The following HECTD4 variants were observed in gnomAD, a reference collection of about 807,000 sequenced individuals.
The protein encoded by HECTD4 is probable E3 ubiquitin-protein ligase HECTD4.
In HECTD4, 114 loss-of-function variants were observed where a neutral mutation model predicts 471.5. That is an observed-to-expected ratio of 0.24 (90% confidence interval 0.21 to 0.28). The LOEUF (loss-of-function observed/expected upper bound fraction) is 0.28. HECTD4 is among the 10% of genes least tolerant of loss of function. The pLI is 1.00. For synonymous variants in HECTD4, 2,012 were observed against 2,256.0 expected (o/e 0.89, Z 3.07); for missense variants, 3,866 against 5,651.5 (o/e 0.68, Z 10.13).
intron 58 of HECTD4, 100 bp from the exon 59 acceptor site, chr12:112,192,865 G>A (rs1284503990): frequency 2.4e-6 from 3 of 1,228,144 alleles, no homozygotes; most frequent in Non-Finnish European, 3.4e-6. Flanking sequence ...ATGAGAACTG[G>A]GCCCAAGTCA....
intron 1 of HECTD4, among the ~76,000 whole-genome samples, chr12:112,328,128 A>ATTTC (rs2035782289): frequency 6.6e-6 from 1 of 150,978 alleles, no homozygotes; most frequent in Non-Finnish European, 1.5e-5. Flanking sequence ...TTATTTATTT[A>ATTTC]TTTATTTATT....
In HECTD4 at chr12:112,200,787, C is replaced by G. The variant is rs746643151; in HGVS notation, c.8418G>C (p.Leu2806=). ...TGCGGAGGTACGTTTCTACCTGCACCAGTTCATTCACCTACAATAGGAAAA... is the reference window on the plus strand; with the variant it reads ...TGCGGAGGTACGTTTCTACCTGCACGAGTTCATTCACCTACAATAGGAAAA... ...VVLDVDSVNE[L]VQVETYLRSE... The change falls in exon 55 of 76, where the codon CTG becomes CTC. Residue 2806 remains leucine (L), a synonymous_variant. Transcript: ENST00000682272. The G allele has an allele frequency of 8.1e-6, 13 of 1,612,188 alleles. No homozygotes were observed. Among genetic ancestry groups the G allele is most frequent in the Non-Finnish European group, 1.1e-5 (13 of 1,178,826 alleles).
intron 1 of HECTD4, among the ~76,000 whole-genome samples, chr12:112,335,129 TAAAG>T (rs1039632584): frequency 3.9e-5 from 5 of 129,044 alleles, no homozygotes; most frequent in Admixed American, 8.3e-5. Context: ...AACAAGTGGA[TAAAG>T]AAACTGTGAT....
intron 17 of HECTD4, among the ~76,000 whole-genome samples, chr12:112,262,515 CAAAAAAAAAAA>C (rs758273849): frequency 1.5e-4 from 3 of 19,756 alleles, no homozygotes; most frequent in Non-Finnish European, 3.2e-4. Context: ...GACTCCATCT[CAAAAAAAAAAA>C]AAAAAAAAAA....
At chr12:112,361,045 C>A (rs1452514920) in intron 1 of HECTD4, among the ~76,000 whole-genome samples, 1 of 149,680 alleles carries the variant, frequency 6.7e-6, no homozygotes, top group Non-Finnish European at 1.5e-5. Context: ...TTAATAAAGA[C>A]AAGGATCTAA....
In HECTD4 at chr12:112,170,458, G is replaced by C; in HGVS notation, c.11933-6C>G. ...CGTGTCATAGAAGATCAGCCCTAAG[G>C]AGAGGAACGTGGGAGAGGCTTGGGT... On this transcript the variant is annotated splice_polypyrimidine_tract_variant and splice_region_variant and intron_variant, in intron 68 of 75. Coordinates refer to ENST00000682272, the MANE Select transcript of HECTD4 (RefSeq NM_001388303.1). The C allele has an allele frequency of 6.2e-7, 1 of 1,613,666 alleles. No individual in the cohort carries two copies. Among genetic ancestry groups the C allele is most frequent in the Non-Finnish European group, 8.5e-7 (1 of 1,179,816 alleles).
At chr12:112,244,126 C>T in intron 29 of HECTD4, 117 bp from the exon 30 acceptor site, 1 of 990,894 alleles carries the variant, frequency 1.0e-6, no homozygotes, top group South Asian at 1.6e-5. Flanking sequence ...AGTTCAGCCA[C>T]CAATCTAGCT....
chr12:112,296,053 A>C (rs2035002532), intron 7 of HECTD4, among the ~76,000 whole-genome samples: 1 of 152,180 alleles, frequency 6.6e-6, no homozygotes, highest in Non-Finnish European at 1.5e-5. Flanking sequence ...CAAGGGACAG[A>C]GGGGGAACAT....
At chr12:112,230,651 C>A (rs1158575515) in intron 40 of HECTD4, 36 bp downstream of exon 40, 1 of 1,570,604 alleles carries the variant, frequency 6.4e-7, no homozygotes, top group Non-Finnish European at 8.7e-7. Context: ...TAGCTTACTT[C>A]TTATTTTCTC....
intron 1 of HECTD4, among the ~76,000 whole-genome samples, chr12:112,323,945 T>C (rs957495311): frequency 3.6e-5 from 4 of 112,500 alleles, no homozygotes; most frequent in African/African-American, 1.5e-4. Context: ...TTTACTGAGG[T>C]GCTTCTTTCT....
intron 1 of HECTD4, among the ~76,000 whole-genome samples, chr12:112,352,595 C>A (rs2036266024): frequency 6.6e-6 from 1 of 151,722 alleles, no homozygotes; most frequent in Non-Finnish European, 1.5e-5. Context: ...CTCAGCCTCC[C>A]AAAGACATCA....
chr12:112,273,904 G>T, intron 10 of HECTD4, 109 bp from the exon 11 acceptor site: 1 of 1,261,646 alleles, frequency 7.9e-7, no homozygotes, highest in Non-Finnish European at 1.1e-6. Context: ...CTCTAATGTT[G>T]ACAACCCACA....
chr12:112,207,881 TA>T lies in HECTD4; in HGVS notation c.8123del (p.Leu2708TyrfsTer3). The T allele has an allele frequency of 6.2e-7, 1 of 1,613,992 alleles. No homozygotes were observed. The highest frequency in any genetic ancestry group is 8.5e-7 in the Non-Finnish European group (1 of 1,179,862). ...GAACAAAAAGTACCAGACCTAGTTG[TA>T]AGGCCCCCTTTATCTGGTCCAGGCC... ...KSGLDQIKGA[L>X]QLGMVDIARQ... On this transcript the variant is annotated frameshift_variant, in exon 52 of 76. Coordinates refer to ENST00000682272, the MANE Select transcript of HECTD4 (RefSeq NM_001388303.1). LOFTEE classifies it high-confidence loss of function.
At chr12:112,269,995 TATA>T (rs2135620083) in intron 12 of HECTD4, 146 bp from the exon 13 acceptor site, 1 of 753,488 alleles carries the variant, frequency 1.3e-6, no homozygotes, top group East Asian at 2.7e-5. Flanking sequence ...TGTGTAACGG[TATA>T]ATTATAGTAA....
chr12:112,230,085 G>C (rs929259235), intron 40 of HECTD4, among the ~76,000 whole-genome samples: 1 of 152,124 alleles, frequency 6.6e-6, no homozygotes, highest in African/African-American at 2.4e-5. Flanking sequence ...ATACACAACT[G>C]GGAGAATCAA....
chr12:112,269,680 C>T (rs781428860), intron 13 of HECTD4, 24 bp downstream of exon 13: 2 of 1,613,080 alleles, frequency 1.2e-6, no homozygotes, highest in Non-Finnish European at 8.5e-7. Flanking sequence ...GCAGAGAGCA[C>T]TACAAAAATC....
At chr12:112,174,353 C>T (rs556829243) in intron 66 of HECTD4, among the ~76,000 whole-genome samples, 1 of 151,730 alleles carries the variant, frequency 6.6e-6, no homozygotes, top group East Asian at 1.9e-4. Flanking sequence ...CAACCCATTG[C>T]CTCCTGGGTT....
chr12:112,167,379 G>C lies in HECTD4; in HGVS notation c.12472C>G (p.Pro4158Ala), dbSNP rs1471355224. Residue 4158 changes from proline (P) to alanine (A), a missense_variant, in exon 72 of 76, where the codon CCT becomes GCT. Coordinates refer to ENST00000682272, the MANE Select transcript of HECTD4 (RefSeq NM_001388303.1). Reference sequence around the variant, plus strand: ...TCCGCTTCCTGCAGGTCTTGCTCAGGGTCCAAGGGCTCGCCCACCAGCGTC... The same window carrying C: ...TCCGCTTCCTGCAGGTCTTGCTCAGCGTCCAAGGGCTCGCCCACCAGCGTC... ...WKTLVGEPLD[P>A]EQDLQEADIL... 1 of 1,613,758 alleles carries C rather than the reference G, an allele frequency of 6.2e-7. No homozygotes were observed.
Position 112,179,404 on chromosome 12 carries a change from G to C in HECTD4, c.10988-7C>G. 2 of 1,604,462 alleles carry C rather than the reference G, an allele frequency of 1.2e-6. No individual in the cohort carries two copies. The highest frequency in any genetic ancestry group is 1.7e-6 in the Non-Finnish European group (2 of 1,174,892). ...CCGGGCACCAGCTTCTCCCCTGTTG[G>C]ATGGAGAGGGGGCAAAACAATTCTG... On this transcript the variant is annotated splice_polypyrimidine_tract_variant and splice_region_variant and intron_variant, in intron 62 of 75. Transcript: ENST00000682272. This position sits in a 1 kb window ranked among gnomAD's most constrained non-coding sequence, Gnocchi z 4.3.
Sources: gnomAD v4.1 joint callset for allele counts (sites outside exome capture counted in the v4.1 genomes callset) on GRCh38, gnomAD v4.1.1 for gene constraint, Gnocchi (gnomAD v3.1) non-coding constraint, MANE v1.5 for transcripts, NCBI Gene and HGNC (gene_info 2026-07-23, HGNC 2026-07-21) for gene names.